Variants in SNAP91 observed in about 807,000 individuals in gnomAD.
The protein encoded by SNAP91 is clathrin coat assembly protein AP180.
A neutral mutation model predicts 100.3 loss-of-function variants in SNAP91; 27 were observed. That is an observed-to-expected ratio of 0.27 (90% confidence interval 0.20 to 0.37). SNAP91 has a LOEUF of 0.37. Ranked by LOEUF, SNAP91 falls within the 10% of genes least tolerant of loss-of-function variation. The pLI is 1.00. For missense variants in SNAP91, 986 were observed against 1,123.7 expected (o/e 0.88, Z 1.75); for synonymous variants, 404 against 398.6 (o/e 1.01, Z -0.16).
At position 83,595,276 on chromosome 6, in the gene SNAP91, G is replaced by A. The variant is rs193030531; in HGVS notation, c.1325-795C>T. ...AAAGACATAAAGAGATAAAAATAGGGTATGATACCATAATGCAATTATATT... is the reference window on the plus strand; with the variant it reads ...AAAGACATAAAGAGATAAAAATAGGATATGATACCATAATGCAATTATATT... On this transcript the variant is annotated intron_variant, in intron 16 of 29. Transcript: ENST00000369694. Among the ~76,000 whole-genome samples the A allele has an allele frequency of 5.1e-4, 77 of 151,968 alleles. 1 individual carries two copies. In the East Asian group the frequency reaches 0.012, roughly 24 times the overall value.
intron 8 of SNAP91, among the ~76,000 whole-genome samples, chr6:83,625,496 C>T (rs985257726): frequency 1.3e-5 from 2 of 152,066 alleles, no homozygotes; most frequent in African/African-American, 4.8e-5. Flanking sequence ...ACTACATTCC[C>T]ACCAACAGTA....
At chr6:83,556,467 A>G (rs1018642342) in intron 28 of SNAP91, among the ~76,000 whole-genome samples, 1 of 151,918 alleles carries the variant, frequency 6.6e-6, no homozygotes, top group Non-Finnish European at 1.5e-5. Context: ...GGCTTATGAA[A>G]TCTACTTGTT....
intron 2 of SNAP91, among the ~76,000 whole-genome samples, chr6:83,666,145 T>G (rs1472500398): frequency 6.6e-6 from 1 of 152,126 alleles, no homozygotes; most frequent in Non-Finnish European, 1.5e-5. Flanking sequence ...ACAACATGCA[T>G]GCATTAAATT....
At chr6:83,678,730 A>G (rs2098945612) in intron 2 of SNAP91, 2 of 1,288,214 alleles carry the variant, frequency 1.6e-6, no homozygotes, top group African/African-American at 1.5e-5. Context: ...AATCCTTGGC[A>G]CCATCTCCCA....
intron 24 of SNAP91, among the ~76,000 whole-genome samples, chr6:83,577,817 A>G (rs1352294663): frequency 6.6e-6 from 1 of 152,232 alleles, no homozygotes; most frequent in Non-Finnish European, 1.5e-5. Flanking sequence ...GTGCTAACAT[A>G]GAACTTTTTT....
intron 2 of SNAP91, among the ~76,000 whole-genome samples, chr6:83,705,450 T>C (rs976256868): frequency 1.2e-3 from 184 of 152,258 alleles, no homozygotes; most frequent in African/African-American, 4.2e-3. Flanking sequence ...TTTTCTCTCC[T>C]CTCTCAATAA....
At chr6:83,633,379 A>G (rs1438677023) in intron 8 of SNAP91, among the ~76,000 whole-genome samples, 1 of 152,090 alleles carries the variant, frequency 6.6e-6, no homozygotes, top group Non-Finnish European at 1.5e-5. Flanking sequence ...GGCACTTTCT[A>G]GACAGTGTCA....
At chr6:83,580,159 A>G (rs1473917351) in intron 24 of SNAP91, among the ~76,000 whole-genome samples, 1 of 152,204 alleles carries the variant, frequency 6.6e-6, no homozygotes, top group Admixed American at 6.5e-5. Flanking sequence ...AGTGCTTTTT[A>G]CACATAATAC....
intron 26 of SNAP91, among the ~76,000 whole-genome samples, chr6:83,570,811 A>G (rs1805990010): frequency 6.6e-6 from 1 of 152,204 alleles, no homozygotes; most frequent in Non-Finnish European, 1.5e-5. Flanking sequence ...CTGGATGCTC[A>G]GGCAGAAGTT....
In SNAP91 at chr6:83,605,740, T is replaced by G; in HGVS notation, c.1086A>C (p.Ala362=). The G allele has an allele frequency of 6.4e-7, 1 of 1,553,268 alleles. No individual in the cohort carries two copies. The highest frequency in any genetic ancestry group is 8.7e-7 in the Non-Finnish European group (1 of 1,147,886). ...LQPDFSSGGA[A]AAAAPAPPPP... ...GTGGTGGTGCTGGTGCTGCGGCTGC[T>G]GCTGCCCCTCCAGAGGAAAAGTCTG... is the stretch of plus-strand genomic sequence containing the variant. Residue 362 remains alanine, a synonymous_variant, in exon 14 of 30, where the codon GCA becomes GCC. Coordinates refer to ENST00000369694, the MANE Select transcript of SNAP91 (RefSeq NM_001242792.2).
chr6:83,635,327 G>T lies in SNAP91; in HGVS notation c.765+5769C>A, dbSNP rs149453479. Among the ~76,000 whole-genome samples the T allele has an allele frequency of 3.8e-4, 58 of 152,094 alleles. No individual in the cohort carries two copies. The East Asian group carries it at 9.8e-3, about 26-fold the overall frequency. On this transcript the variant is annotated intron_variant, in intron 8 of 29. Transcript: ENST00000369694. ...TATAAATCTAGGTGCTCCAATGTTG[G>T]GTGTGTATATATTTAGGATAGTTAA...
chr6:83,555,678 T>G (rs1192523124), intron 29 of SNAP91, among the ~76,000 whole-genome samples: 1 of 152,146 alleles, frequency 6.6e-6, no homozygotes, highest in East Asian at 1.9e-4. Flanking sequence ...AATTTAAAAC[T>G]CTGCTTGAAT....
chr6:83,683,256 G>A (rs2099016829), intron 2 of SNAP91, among the ~76,000 whole-genome samples: 1 of 151,886 alleles, frequency 6.6e-6, no homozygotes, highest in South Asian at 2.1e-4. Context: ...GTCCTCTTCT[G>A]TTCTTAGTCA....
At chr6:83,646,095 A>G (rs1469653728) in intron 7 of SNAP91, among the ~76,000 whole-genome samples, 1 of 152,144 alleles carries the variant, frequency 6.6e-6, no homozygotes, top group African/African-American at 2.4e-5. Context: ...TTTAGTTCTA[A>G]GAGTTCTTTG....
intron 22 of SNAP91, among the ~76,000 whole-genome samples, chr6:83,584,131 T>A (rs1392889382): frequency 6.6e-6 from 1 of 152,204 alleles, no homozygotes; most frequent in East Asian, 1.9e-4. Context: ...TGTATTAATG[T>A]TGATTTTTAA....
chr6:83,626,882 C>A (rs1324064026), intron 8 of SNAP91, among the ~76,000 whole-genome samples: 1 of 151,898 alleles, frequency 6.6e-6, no homozygotes, highest in East Asian at 1.9e-4. Flanking sequence ...GTAGGACTTC[C>A]AGTATTATGC....
chr6:83,677,671 C>T (rs1360418155), intron 2 of SNAP91, among the ~76,000 whole-genome samples: 1 of 152,096 alleles, frequency 6.6e-6, no homozygotes, highest in Non-Finnish European at 1.5e-5. Flanking sequence ...ATTCAATTTC[C>T]TTATCCTACA....
chr6:83,555,813 G>C (rs1022775459), intron 29 of SNAP91, among the ~76,000 whole-genome samples: 1 of 152,068 alleles, frequency 6.6e-6, no homozygotes, highest in Non-Finnish European at 1.5e-5. Flanking sequence ...ATAAATGTTA[G>C]CTTTCTATAA....
chr6:83,682,087 C>T (rs1044306655), intron 2 of SNAP91, among the ~76,000 whole-genome samples: 2 of 151,996 alleles, frequency 1.3e-5, no homozygotes, highest in Non-Finnish European at 2.9e-5. Flanking sequence ...AAGAGTCCTT[C>T]CTCCTTCCTA....
Sources: allele counts gnomAD v4.1 joint callset (sites outside exome capture counted in the v4.1 genomes callset), GRCh38; gene constraint gnomAD v4.1.1; transcripts MANE v1.5; gene names NCBI Gene and HGNC (gene_info 2026-07-23, HGNC 2026-07-21).